The following OSTM1 variants were observed in gnomAD, a reference collection of about 807,000 sequenced individuals.
OSTM1 encodes osteopetrosis-associated transmembrane protein 1.
A neutral mutation model predicts 35.4 loss-of-function variants in OSTM1; 26 were observed. The observed-to-expected ratio is 0.73, with a 90% CI of 0.54 to 1.02. OSTM1 has a LOEUF of 1.02. Ranked by LOEUF, OSTM1 falls within the 50% of genes least tolerant of loss-of-function variation. The pLI, the probability that OSTM1 is intolerant of heterozygous loss-of-function variation, is 0.00. For synonymous variants in OSTM1, 181 were observed against 165.0 expected, an observed-to-expected ratio of 1.10 and a Z score of -0.75; for missense variants, 366 against 409.6, an observed-to-expected ratio of 0.89 and a Z score of 0.92.
intron 2 of OSTM1, among the ~76,000 whole-genome samples, chr6:108,063,723 A>G (rs757061866): frequency 3.2e-4 from 48 of 152,228 alleles, no homozygotes; most frequent in Non-Finnish European, 6.3e-4. Flanking sequence ...TGTAAACATC[A>G]TAATTATTAT....
chr6:108,055,880 G>C (rs903377390), intron 2 of OSTM1, among the ~76,000 whole-genome samples: 15 of 152,070 alleles, frequency 9.9e-5, no homozygotes, highest in African/African-American at 3.4e-4. Flanking sequence ...CCCTACTCTT[G>C]TTCCCCTTAA....
intron 2 of OSTM1, among the ~76,000 whole-genome samples, chr6:108,058,044 CTTTTT>C (rs761751778): frequency 2.9e-4 from 35 of 121,538 alleles, no homozygotes; most frequent in African/African-American, 9.6e-4. Flanking sequence ...AAGAGTCAAT[CTTTTT>C]TTTTTTTTTT....
intron 4 of OSTM1, among the ~76,000 whole-genome samples, chr6:108,050,466 C>T (rs1772057687): frequency 6.8e-6 from 1 of 147,142 alleles, no homozygotes; most frequent in African/African-American, 2.5e-5. Flanking sequence ...CGGTTTCAAG[C>T]GATTCTCCTG....
chr6:108,054,406 A>T, intron 3 of OSTM1, 84 bp downstream of exon 3: 1 of 634,574 alleles, frequency 1.6e-6, no homozygotes, highest in Non-Finnish European at 2.8e-6. Flanking sequence ...AAATATCAAT[A>T]ATTAGTGCTC....
chr6:108,049,205 TAAAATACAGGCTTTTATCTA>T, intron 5 of OSTM1, 28 bp downstream of exon 5: 2 of 1,371,918 alleles, frequency 1.5e-6, no homozygotes, highest in Non-Finnish European at 2.0e-6. Context: ...CCTAAATTTT[TAAAATACAGGCTTTTATCTA>T]TAAAATAAAT....
intron 4 of OSTM1, among the ~76,000 whole-genome samples, chr6:108,050,096 A>T (rs921547195): frequency 1.5e-4 from 23 of 151,992 alleles, no homozygotes; most frequent in African/African-American, 2.2e-4. Flanking sequence ...AGAAAAAAAA[A>T]TTTTTTTTGA....
chr6:108,074,684 CCG>C lies in OSTM1; in HGVS notation c.-35_-34del. 6.7e-7 allele frequency: 1 copy of C among 1,503,122 alleles called. No homozygotes were observed. The highest frequency in any genetic ancestry group is 8.8e-7 in the Non-Finnish European group (1 of 1,131,898). The allele number at this position is 1,503,122 out of a possible 1,614,324, so 93.1% of individuals were successfully genotyped here. ...CTCACACACCCCAGGGAGCCCACCGCCGCCTCTCCGCCCCCAGCCGGCACCGC... is the reference window on the plus strand; with the variant it reads ...CTCACACACCCCAGGGAGCCCACCGCCCTCTCCGCCCCCAGCCGGCACCGC... On this transcript the variant is annotated 5_prime_UTR_variant, in exon 1 of 6. Coordinates refer to ENST00000193322, the MANE Select transcript of OSTM1 (RefSeq NM_014028.4).
At chr6:108,058,835 T>C (rs1482026872) in intron 2 of OSTM1, among the ~76,000 whole-genome samples, 3 of 152,182 alleles carry the variant, frequency 2.0e-5, no homozygotes, top group Non-Finnish European at 4.4e-5. Context: ...AGTACTATTG[T>C]TGTTGCTTTT....
chr6:108,064,762 A>C (rs1772347761), intron 1 of OSTM1, among the ~76,000 whole-genome samples: 1 of 152,232 alleles, frequency 6.6e-6, no homozygotes, highest in South Asian at 2.1e-4. Flanking sequence ...GGATATAAAA[A>C]GTATAAAAGA....
At chr6:108,060,331 T>C (rs561603932) in intron 2 of OSTM1, among the ~76,000 whole-genome samples, 14 of 152,362 alleles carry the variant, frequency 9.2e-5, no homozygotes, top group Non-Finnish European at 1.8e-4. Flanking sequence ...AAGCATTTTA[T>C]ACCTGCCATA....
intron 2 of OSTM1, among the ~76,000 whole-genome samples, chr6:108,056,465 T>A (rs62427447): frequency 0.16 from 25,035 of 152,170 alleles, 2,551 homozygotes; most frequent in Admixed American, 0.22. Flanking sequence ...CTCCCTCCAC[T>A]ACCCATAGAT....
At chr6:108,054,438 T>G in intron 3 of OSTM1, 52 bp downstream of exon 3, 1 of 820,560 alleles carries the variant, frequency 1.2e-6, no homozygotes, top group Non-Finnish European at 2.0e-6. Flanking sequence ...AACTGCACAT[T>G]ATTCCTTTGT....
intron 2 of OSTM1, among the ~76,000 whole-genome samples, chr6:108,060,286 C>T (rs985869424): frequency 6.6e-6 from 1 of 152,142 alleles, no homozygotes; most frequent in African/African-American, 2.4e-5. Context: ...TAGGATGCCT[C>T]ACAGAAGAAC....
chr6:108,051,248 T>C (rs1772068539), intron 3 of OSTM1, 50 bp from the exon 4 acceptor site: 1 of 1,321,596 alleles, frequency 7.6e-7, no homozygotes, highest in Non-Finnish European at 1.1e-6. Flanking sequence ...TTATATACAA[T>C]ATCTCTTTAA....
intron 3 of OSTM1, among the ~76,000 whole-genome samples, chr6:108,052,637 C>T (rs1053558473): frequency 1.3e-5 from 2 of 151,326 alleles, no homozygotes; most frequent in Admixed American, 1.3e-4. Context: ...GCAGGTGCCA[C>T]CATACCTGGC....
rs768890992 is a variant in OSTM1 at position 108,074,594 on chromosome 6, G to A, written c.58C>T (p.Leu20=). The A allele has an allele frequency of 1.9e-6, 3 of 1,565,694 alleles. No individual in the cohort carries two copies. The South Asian group carries it at 3.5e-5, about 18-fold the overall frequency. ...RRCSLPPWLP[L]GLLLWSGLAL... ...AGCCCCGACCACAGCAGCAGCCCCA[G>A]CGGCAGCCACGGCGGCAACGAACAC... is the stretch of plus-strand genomic sequence containing the variant. Residue 20 remains leucine (L), a synonymous_variant, in exon 1 of 6, where the codon CTG becomes TTG. Coordinates refer to ENST00000193322, the MANE Select transcript of OSTM1 (RefSeq NM_014028.4).
intron 2 of OSTM1, among the ~76,000 whole-genome samples, chr6:108,058,797 G>C (rs1241988914): frequency 2.0e-5 from 3 of 151,916 alleles, no homozygotes; most frequent in African/African-American, 7.3e-5. Flanking sequence ...AAAATGTTTT[G>C]GTTAATTGAC....
intron 1 of OSTM1, among the ~76,000 whole-genome samples, chr6:108,071,350 G>A (rs1478050329): frequency 1.3e-5 from 2 of 151,450 alleles, no homozygotes; most frequent in Non-Finnish European, 1.5e-5. Flanking sequence ...CTGTCCCCCA[G>A]GTTGGAGAGT....
intron 3 of OSTM1, among the ~76,000 whole-genome samples, chr6:108,052,458 A>G (rs1772093408): frequency 6.6e-6 from 1 of 151,010 alleles, no homozygotes; most frequent in Non-Finnish European, 1.5e-5. Context: ...AATTGAGCAC[A>G]TAATCCATTT....
Sources: allele counts gnomAD v4.1 joint callset (sites outside exome capture counted in the v4.1 genomes callset), GRCh38; gene constraint gnomAD v4.1.1; transcripts MANE v1.5; gene names NCBI Gene and HGNC (gene_info 2026-07-23, HGNC 2026-07-21).